Variants in SLC25A53 observed in about 807,000 individuals in gnomAD.
The protein encoded by SLC25A53 is mitochondrial carrier triple repeat protein 6.
In SLC25A53, 5 loss-of-function variants were observed where a neutral mutation model predicts 15.0. That is an observed-to-expected ratio of 0.33 (90% confidence interval 0.17 to 0.70). The LOEUF (loss-of-function observed/expected upper bound fraction) is 0.70. Ranked by LOEUF, SLC25A53 falls within the 30% of genes least tolerant of loss-of-function variation. SLC25A53 has a pLI of 0.67. For missense variants in SLC25A53, 216 were observed against 241.6 expected (o/e 0.89, Z 0.70); for synonymous variants, 95 against 100.0 (o/e 0.95, Z 0.30).
Position 104,099,993 on chromosome X carries a change from T to C in SLC25A53, c.*4341A>G, listed in dbSNP as rs1237659932. On this transcript the variant is annotated 3_prime_UTR_variant, in exon 2 of 2. Transcript: ENST00000594199. ...CAGAGACACTGGAGAGTGAACAGACTAGAGAAATACAATATTTTTATCTTT... is the reference window on the plus strand; with the variant it reads ...CAGAGACACTGGAGAGTGAACAGACCAGAGAAATACAATATTTTTATCTTT... 8.9e-6 allele frequency: 1 copy of C among 112,046 alleles called. No individual in the cohort carries two copies. Among genetic ancestry groups the C allele is most frequent in the Non-Finnish European group, 1.9e-5 (1 of 53,202 alleles). 9.2% of individuals were successfully genotyped at this position (112,046 alleles called of 1,213,427 possible).
intron 1 of SLC25A53, among the ~76,000 whole-genome samples, chrX:104,146,992 C>G (rs1415210669): frequency 2.7e-5 from 3 of 111,816 alleles, no homozygotes; most frequent in Non-Finnish European, 5.6e-5. Context: ...CCTGCATTGC[C>G]AAGTCAATCC....
chrX:104,144,967 G>T (rs1190057758), intron 1 of SLC25A53, among the ~76,000 whole-genome samples: 1 of 111,869 alleles, frequency 8.9e-6, no homozygotes, highest in African/African-American at 3.3e-5. Flanking sequence ...AGGGCTAACA[G>T]ACATCTACAG....
chrX:104,132,343 A>T (rs112956189), intron 1 of SLC25A53, among the ~76,000 whole-genome samples: 1 of 111,754 alleles, frequency 8.9e-6, no homozygotes, highest in East Asian at 2.8e-4. Flanking sequence ...GGAAGCCCCA[A>T]CTGGGGGCTT....
chrX:104,133,348 A>G (rs1267949511), intron 1 of SLC25A53, among the ~76,000 whole-genome samples: 3 of 111,576 alleles, frequency 2.7e-5, no homozygotes, highest in Non-Finnish European at 5.6e-5. Context: ...GACACAGAGG[A>G]AAATATGCTC....
At chrX:104,155,003 T>C (rs1216556577) in intron 1 of SLC25A53, among the ~76,000 whole-genome samples, 1 of 112,006 alleles carries the variant, frequency 8.9e-6, no homozygotes, top group African/African-American at 3.2e-5. Context: ...TCTATAAATG[T>C]ATACAATTTG....
intron 1 of SLC25A53, among the ~76,000 whole-genome samples, chrX:104,145,280 C>T (rs1167834240): frequency 1.8e-5 from 2 of 112,025 alleles, no homozygotes; most frequent in Admixed American, 9.5e-5. Context: ...AAAGACACAA[C>T]GTATCAGAAT....
At chrX:104,126,384 T>A (rs2075410907) in intron 1 of SLC25A53, among the ~76,000 whole-genome samples, 1 of 111,132 alleles carries the variant, frequency 9.0e-6, no homozygotes, top group Non-Finnish European at 1.9e-5. Context: ...CCTGGCACAG[T>A]GGCTCACACC....
intron 1 of SLC25A53, among the ~76,000 whole-genome samples, chrX:104,105,853 G>C (rs782439979): frequency 2.7e-5 from 3 of 111,934 alleles, no homozygotes; most frequent in African/African-American, 9.8e-5. Context: ...CAGCAAGTGA[G>C]GAAAGGAAAG....
At chrX:104,152,064 GTTTT>G (rs112822313) in intron 1 of SLC25A53, among the ~76,000 whole-genome samples, 1 of 107,778 alleles carries the variant, frequency 9.3e-6, no homozygotes, top group Non-Finnish European at 1.9e-5. Flanking sequence ...TTTCTTTTCT[GTTTT>G]TTTTGTTTCG....
rs2075281709 is a variant in SLC25A53, at chrX:104,101,741, G to GA, written c.*2592dup. 1 of 111,831 alleles carries GA rather than the reference G, an allele frequency of 8.9e-6. No homozygotes were observed. 9.2% of individuals were successfully genotyped at this position (111,831 alleles called of 1,213,427 possible). ...GTATGCAACTCTCAGATAGTTCAGG[G>GA]AAAAAATATCCTGTGTGTGTATAGA... On this transcript the variant is annotated 3_prime_UTR_variant, in exon 2 of 2. Coordinates refer to ENST00000594199, the MANE Select transcript of SLC25A53 (RefSeq NM_001012755.5).
intron 1 of SLC25A53, among the ~76,000 whole-genome samples, chrX:104,132,249 T>C (rs781992524): frequency 1.8e-5 from 2 of 112,176 alleles, no homozygotes; most frequent in South Asian, 3.7e-4. Context: ...TGAGTTAAAC[T>C]CCACATGGGG....
At chrX:104,148,019 T>C (rs1258361624) in intron 1 of SLC25A53, among the ~76,000 whole-genome samples, 2 of 111,508 alleles carry the variant, frequency 1.8e-5, no homozygotes, top group Non-Finnish European at 3.8e-5. Context: ...TATTGTGGCA[T>C]TATTCACAAT....
chrX:104,121,448 C>T (rs983706187), intron 1 of SLC25A53, among the ~76,000 whole-genome samples: 4 of 110,803 alleles, frequency 3.6e-5, no homozygotes, highest in African/African-American at 1.3e-4. Flanking sequence ...CTAGAGGTGA[C>T]GTTACTGGAA....
chrX:104,156,721 G>A (rs986400240), intron 1 of SLC25A53, among the ~76,000 whole-genome samples, 157 bp downstream of exon 1: 6 of 109,843 alleles, frequency 5.5e-5, no homozygotes, highest in Middle Eastern at 4.7e-3. Flanking sequence ...CTACAGCTAC[G>A]CCATCAATTC....
chrX:104,129,637 A>G (rs2147874533), intron 1 of SLC25A53, among the ~76,000 whole-genome samples: 1 of 110,583 alleles, frequency 9.0e-6, no homozygotes, highest in African/African-American at 3.3e-5. Flanking sequence ...AGGTCTATGA[A>G]TGACTATTGA....
intron 1 of SLC25A53, among the ~76,000 whole-genome samples, chrX:104,139,998 C>A (rs1320356141): frequency 8.9e-6 from 1 of 112,569 alleles, no homozygotes; most frequent in Non-Finnish European, 1.9e-5. Flanking sequence ...ATAATAGGAC[C>A]AAAGAGATAA....
intron 1 of SLC25A53, among the ~76,000 whole-genome samples, chrX:104,141,446 G>C (rs966466266): frequency 8.9e-6 from 1 of 111,934 alleles, no homozygotes; most frequent in Non-Finnish European, 1.9e-5. Context: ...CAAAACCTTA[G>C]ACATTCACAT....
intron 1 of SLC25A53, among the ~76,000 whole-genome samples, chrX:104,122,288 C>T: frequency 2.0e-5 from 2 of 98,352 alleles, no homozygotes; most frequent in African/African-American, 3.7e-5. Context: ...ATTTAGATGT[C>T]TGATTTCTTT....
intron 1 of SLC25A53, chrX:104,112,204 A>T (rs1214822090): frequency 1.5e-4 from 17 of 112,800 alleles, no homozygotes; most frequent in African/African-American, 5.1e-4. Flanking sequence ...CTCATTGTTC[A>T]CTTGGTTTCT....
Sources: allele counts gnomAD v4.1 joint callset (sites outside exome capture counted in the v4.1 genomes callset), GRCh38; gene constraint gnomAD v4.1.1; transcripts MANE v1.5; gene names NCBI Gene and HGNC (gene_info 2026-07-23, HGNC 2026-07-21).